ZNF234: variants seen among roughly 807,000 people sequenced by gnomAD.
ZNF234 encodes C2-H2 type zinc finger protein.
In ZNF234, 4 loss-of-function variants were observed where a neutral mutation model predicts 10.3. The ratio of observed to expected loss-of-function variants is 0.39; its 90% confidence interval spans 0.19 to 0.89. The LOEUF is 0.89. Among genes scored for constraint, ZNF234 ranks in the 40% least tolerant of loss-of-function variants. The probability of loss-of-function intolerance (pLI) is 0.38; values close to 1 mark genes in which losing one functional copy is unlikely to be tolerated. For synonymous variants in ZNF234, 258 were observed against 280.1 expected (o/e 0.92, Z 0.79); for missense variants, 711 against 836.1 (o/e 0.85, Z 1.85).
chr19:44,159,534 T>C lies in ZNF234; in HGVS notation c.*1415T>C. 1 of 391,348 alleles carries C rather than the reference T, an allele frequency of 2.6e-6. No homozygotes were observed. Among genetic ancestry groups the C allele is most frequent in the Non-Finnish European group, 5.5e-6 (1 of 182,222 alleles). The allele number at this position is 391,348 out of a possible 1,614,324, so 24.2% of individuals were successfully genotyped here. A position where few individuals can be genotyped will look rare whatever the true frequency, so the allele number is the denominator to read the frequency against. Reference sequence around the variant, plus strand: ...CAGACTGAAAAAAATTTAATTAACCTGACAAGAGTTTACTGAATATCACAC... The same window carrying C: ...CAGACTGAAAAAAATTTAATTAACCCGACAAGAGTTTACTGAATATCACAC... On this transcript the variant is annotated 3_prime_UTR_variant, in exon 6 of 6. Transcript: ENST00000426739.
intron 2 of ZNF234, among the ~76,000 whole-genome samples, chr19:44,142,954 C>T (rs1968500387): frequency 6.6e-6 from 1 of 152,026 alleles, no homozygotes; most frequent in Non-Finnish European, 1.5e-5. Context: ...TTTTATTATA[C>T]ATTTCTCAAT....
rs371099084 is a variant in ZNF234 at position 44,143,264 on chromosome 19, C to T, written c.-77+897C>T. 3.3e-5 allele frequency among the ~76,000 whole-genome samples: 5 copies of T among 150,502 alleles called. No individual in the cohort carries two copies. The East Asian group carries it at 7.8e-4, about 23-fold the overall frequency. The stretch of plus-strand genomic sequence containing the variant: ...TCCCAGCACTTTGGGAGGCCAAGGC[C>T]TGTGGATCACTTGAGGCCAGGAGTT... On this transcript the variant is annotated intron_variant, in intron 2 of 5. Transcript: ENST00000426739.
chr19:44,158,773 G>A lies in ZNF234; in HGVS notation c.*654G>A, dbSNP rs894402205. The A allele has an allele frequency of 1.3e-5, 2 of 153,722 alleles. No individual in the cohort carries two copies. Among genetic ancestry groups the A allele is most frequent in the South Asian group, 4.1e-4 (2 of 4,926 alleles). 9.5% of individuals were successfully genotyped at this position (153,722 alleles called of 1,614,324 possible). ...GGACTTAGAAAATGAGTTTGACCTG[G>A]GCTTTAAAAAAGTATACTGATGAAG... On this transcript the variant is annotated 3_prime_UTR_variant, in exon 6 of 6. Coordinates refer to ENST00000426739, the MANE Select transcript of ZNF234 (RefSeq NM_006630.3).
At chr19:44,148,197 A>G (rs1378060243) in intron 3 of ZNF234, among the ~76,000 whole-genome samples, 2 of 152,228 alleles carry the variant, frequency 1.3e-5, no homozygotes, top group Non-Finnish European at 2.9e-5. Flanking sequence ...AGATCACACA[A>G]CTTTGAAGGG....
At chr19:44,154,358 T>C (rs1354781465) in intron 5 of ZNF234, among the ~76,000 whole-genome samples, 1 of 152,024 alleles carries the variant, frequency 6.6e-6, no homozygotes, top group African/African-American at 2.4e-5. Context: ...TTTAGAATAA[T>C]ACATGTTATC....
intron 4 of ZNF234, among the ~76,000 whole-genome samples, chr19:44,149,339 T>A (rs571747103): frequency 5.9e-5 from 9 of 152,186 alleles, no homozygotes; most frequent in African/African-American, 1.9e-4. Flanking sequence ...TCCCACCTAC[T>A]TGGGAGGCTG....
At chr19:44,152,983 C>T (rs1417895027) in intron 5 of ZNF234, among the ~76,000 whole-genome samples, 2 of 151,872 alleles carry the variant, frequency 1.3e-5, no homozygotes, top group African/African-American at 4.8e-5. Flanking sequence ...ATATAGATGT[C>T]ATACAATTTT....
In ZNF234 at chr19:44,156,190, A is replaced by C. The variant is rs1016156214; in HGVS notation, c.236-62A>C. On this transcript the variant is annotated intron_variant, in intron 5 of 5. Transcript: ENST00000426739. Reference sequence around the variant, plus strand: ...TGTTAAAATCGCATGCTCTCGCCTAAGTATGACATCTTGAAAACTTTTAAC... The same window carrying C: ...TGTTAAAATCGCATGCTCTCGCCTACGTATGACATCTTGAAAACTTTTAAC... 1.6e-5 allele frequency: 24 copies of C among 1,460,834 alleles called. No homozygotes were observed. In the South Asian group the frequency reaches 3.2e-4, roughly 20 times the overall value. 90.5% of individuals were successfully genotyped at this position (1,460,834 alleles called of 1,614,324 possible).
intron 5 of ZNF234, among the ~76,000 whole-genome samples, chr19:44,151,050 C>G (rs1968733381): frequency 6.6e-6 from 1 of 150,922 alleles, no homozygotes; most frequent in Non-Finnish European, 1.5e-5. Flanking sequence ...AAAAAATACT[C>G]TGAATGGCTT....
intron 3 of ZNF234, among the ~76,000 whole-genome samples, chr19:44,148,479 G>T (rs1053768599): frequency 1.3e-5 from 2 of 152,184 alleles, no homozygotes; most frequent in Non-Finnish European, 2.9e-5. Flanking sequence ...ACCGAAAGGT[G>T]AAACCCGTGT....
chr19:44,144,354 A>G (rs1464858240), intron 2 of ZNF234, among the ~76,000 whole-genome samples: 1 of 152,020 alleles, frequency 6.6e-6, no homozygotes, highest in African/African-American at 2.4e-5. Flanking sequence ...ATTCCTCTTA[A>G]TTTCCAAATA....
At chr19:44,147,528 G>T (rs913687153) in intron 3 of ZNF234, among the ~76,000 whole-genome samples, 7 of 152,124 alleles carry the variant, frequency 4.6e-5, no homozygotes, top group Non-Finnish European at 1.0e-4. Context: ...GTGAGCGACT[G>T]TGCATGGCCT....
chr19:44,151,318 T>A (rs1385122990), intron 5 of ZNF234, among the ~76,000 whole-genome samples: 1 of 152,084 alleles, frequency 6.6e-6, no homozygotes, highest in Non-Finnish European at 1.5e-5. Flanking sequence ...TTCTTCTGCC[T>A]CAGCCTCCCA....
At chr19:44,147,718 G>C (rs1968634534) in intron 3 of ZNF234, among the ~76,000 whole-genome samples, 1 of 152,140 alleles carries the variant, frequency 6.6e-6, no homozygotes, top group Admixed American at 6.5e-5. Context: ...TGAGCATGGT[G>C]GCGCATGCCT....
At position 44,160,240 on chromosome 19, in the gene ZNF234, A is replaced by G. The variant is rs145676547; in HGVS notation, c.*2121A>G. 4.2e-4 allele frequency: 64 copies of G among 152,324 alleles called. No individual in the cohort carries two copies. Among genetic ancestry groups the G allele is most frequent in the African/African-American group, 1.4e-3 (60 of 41,570 alleles). 9.4% of individuals were successfully genotyped at this position (152,324 alleles called of 1,614,324 possible). On this transcript the variant is annotated 3_prime_UTR_variant, in exon 6 of 6. Transcript: ENST00000426739. ...GTGTTTTTCAGAATTTACACTGTAT[A>G]TCTCTGATTTGGAAGTTATATAATT...
intron 5 of ZNF234, among the ~76,000 whole-genome samples, chr19:44,155,819 T>G (rs1194709995): frequency 2.0e-5 from 3 of 152,198 alleles, no homozygotes; most frequent in Non-Finnish European, 4.4e-5. Flanking sequence ...CAGACTGGTC[T>G]CAAACCCCTG....
chr19:44,144,720 G>C (rs1405563341), intron 3 of ZNF234, 73 bp downstream of exon 3: 4 of 1,406,650 alleles, frequency 2.8e-6, no homozygotes, highest in African/African-American at 2.8e-5. Flanking sequence ...GAAGACTCAA[G>C]AACAACGGGC....
chr19:44,155,475 A>ATTTTCTTCC (rs1968855525), intron 5 of ZNF234, among the ~76,000 whole-genome samples: 3 of 152,218 alleles, frequency 2.0e-5, no homozygotes, highest in African/African-American at 4.8e-5. Context: ...TTATTCTTAC[A>ATTTTCTTCC]ATAAAGAGAA....
rs964277064 is a variant in ZNF234 at position 44,155,258 on chromosome 19, A to G, written c.236-994A>G. 1.1e-4 allele frequency among the ~76,000 whole-genome samples: 17 copies of G among 152,300 alleles called. 1 individual carries two copies. The South Asian group carries it at 1.9e-3, about 17-fold the overall frequency. On this transcript the variant is annotated intron_variant, in intron 5 of 5. Transcript: ENST00000426739. ...TATATGTTATGCAGAATATTCAAGA[A>G]TATGGTTGATCCTTGAACAACTTGG...
Sources: gnomAD v4.1 joint callset for allele counts (sites outside exome capture counted in the v4.1 genomes callset) on GRCh38, gnomAD v4.1.1 for gene constraint, MANE v1.5 for transcripts, NCBI Gene and HGNC (gene_info 2026-07-23, HGNC 2026-07-21) for gene names.